Variants in COL8A2 observed in about 807,000 individuals in gnomAD.
COL8A2 encodes collagen alpha-2(VIII) chain.
COL8A2 carries 16 observed loss-of-function variants against 24.0 expected under a neutral mutation model. That is an observed-to-expected ratio of 0.67 (90% CI 0.45 to 1.01). COL8A2 has a LOEUF of 1.01. COL8A2 is among the 50% of genes least tolerant of loss of function. COL8A2 has a pLI of 0.00. For synonymous variants in COL8A2, 466 were observed against 424.5 expected (o/e 1.10, Z -1.20); for missense variants, 818 against 942.4 (o/e 0.87, Z 1.73).
At chr1:36,105,642 C>T (rs188496602) in intron 2 of COL8A2, among the ~76,000 whole-genome samples, 140 of 152,246 alleles carry the variant, frequency 9.2e-4, no homozygotes, top group African/African-American at 3.2e-3. Flanking sequence ...GGTATGTTAT[C>T]CCTGTTTTAG....
Position 36,100,181 on chromosome 1 carries a change from C to G in COL8A2, c.62G>C (p.Gly21Ala). The stretch of plus-strand genomic sequence containing the variant: ...ACCAGAGGACGCCCGCGGCCCACAC[C>G]CCAGCACCAGCACCAGTAGCAGCAG... ...LLLLLLVLVL[G>A]CGPRASSGGG... is the part of the protein sequence containing the mutation. The change falls in exon 3 of 4, where the codon GGG becomes GCG. Residue 21 changes from glycine (G) to alanine (A), a missense_variant. By Grantham distance (60) the Gly-to-Ala change is moderately conservative. Coordinates refer to ENST00000397799, the MANE Select transcript of COL8A2 (RefSeq NM_005202.4). 1 of 1,608,348 alleles carries G rather than the reference C, an allele frequency of 6.2e-7. No homozygotes were observed. The highest frequency in any genetic ancestry group is 1.1e-5 in the South Asian group (1 of 90,492).
At chr1:36,122,270 G>A (rs1437597233) in intron 1 of COL8A2, among the ~76,000 whole-genome samples, 2 of 152,128 alleles carry the variant, frequency 1.3e-5, no homozygotes, top group Non-Finnish European at 2.9e-5. Flanking sequence ...CACAGAGCTG[G>A]GAAGTCCTAG....
At position 36,098,696 on chromosome 1, in the gene COL8A2, G is replaced by T; in HGVS notation, c.985C>A (p.Pro329Thr). The T allele has an allele frequency of 6.2e-7, 1 of 1,609,080 alleles. No individual in the cohort carries two copies. The part of the protein sequence containing the change: ...GLPGPKGDRG[P>T]AGVPGLLGDR... ...CCCAAGAGTCCTGGGACCCCAGCTG[G>T]GCCCCTGTCCCCCTTGGGGCCTGGC... The change falls in exon 4 of 4, where the codon CCA becomes ACA. Residue 329 changes from proline (P) to threonine (T), a missense_variant. Around this residue, in one of 3 missense-constraint regions of COL8A2, gnomAD observed 573 missense variants for 616.8 expected, o/e 0.93. Coordinates refer to ENST00000397799, the MANE Select transcript of COL8A2 (RefSeq NM_005202.4).
Position 36,104,431 on chromosome 1 carries a change from C to T in COL8A2, c.-16-4173G>A, listed in dbSNP as rs193247821. On this transcript the variant is annotated intron_variant, in intron 2 of 3. Transcript: ENST00000397799. ...CGCTTGAACCAGAGAGGCGGAGGTTCCAGTGAGCCAAGATCGTGCCACTGC... is the reference window on the plus strand; with the variant it reads ...CGCTTGAACCAGAGAGGCGGAGGTTTCAGTGAGCCAAGATCGTGCCACTGC... 3.5e-3 allele frequency among the ~76,000 whole-genome samples: 524 copies of T among 150,540 alleles called. 2 individuals are homozygous for T. The highest frequency in any genetic ancestry group is 5.5e-3 in the Non-Finnish European group (369 of 67,602).
chr1:36,097,255 G>A lies in COL8A2; in HGVS notation c.*314C>T, dbSNP rs1038499454. ...GTCTCCCCACGTGGCGGGGTGGGGAGTTGAGCTCCCTCTCAGCTCCTTCAG... is the reference window on the plus strand; with the variant it reads ...GTCTCCCCACGTGGCGGGGTGGGGAATTGAGCTCCCTCTCAGCTCCTTCAG... On this transcript the variant is annotated 3_prime_UTR_variant, in exon 4 of 4. Coordinates refer to ENST00000397799, the MANE Select transcript of COL8A2 (RefSeq NM_005202.4). 1.8e-5 allele frequency: 5 copies of A among 274,344 alleles called. No individual in the cohort carries two copies. Among genetic ancestry groups the A allele is most frequent in the African/African-American group, 1.1e-4 (5 of 46,326 alleles). 17.0% of individuals were successfully genotyped at this position (274,344 alleles called of 1,614,324 possible).
At chr1:36,104,717 C>G (rs1465434960) in intron 2 of COL8A2, among the ~76,000 whole-genome samples, 1 of 152,096 alleles carries the variant, frequency 6.6e-6, no homozygotes, top group East Asian at 1.9e-4. Flanking sequence ...ATGGCATGAA[C>G]CCGGCAGGCG....
intron 2 of COL8A2, among the ~76,000 whole-genome samples, chr1:36,101,675 G>T (rs1203974007): frequency 6.6e-6 from 1 of 152,210 alleles, no homozygotes. Flanking sequence ...GCCAAAAGTA[G>T]AGACAACGCA....
intron 1 of COL8A2, among the ~76,000 whole-genome samples, chr1:36,121,717 T>TAA (rs34294089): frequency 6.1e-4 from 91 of 148,016 alleles, no homozygotes; most frequent in African/African-American, 1.7e-3. Context: ...CAAAAAAAAT[T>TAA]AAAAAAAAAA....
Position 36,099,331 on chromosome 1 carries a change from G to C in COL8A2, c.350C>G (p.Pro117Arg). Residue 117 changes from proline (P) to arginine (R), a missense_variant, in exon 4 of 4, where the codon CCT becomes CGT. By Grantham distance (103) the Pro-to-Arg change is moderately radical. Transcript: ENST00000397799. ...LHGQPGPAGP[P>R]GFSRMGKAGP... ...AGCCTTGCCCATCCGGGAGAAGCCA[G>C]GGGGCCCAGCAGGGCCAGGCTGCCC... 1 of 1,583,156 alleles carries C rather than the reference G, an allele frequency of 6.3e-7. No individual in the cohort carries two copies. The highest frequency in any genetic ancestry group is 8.6e-7 in the Non-Finnish European group (1 of 1,167,058).
rs1240857567 is a variant in COL8A2 at position 36,097,720 on chromosome 1, C to T, written c.1961G>A (p.Gly654Asp). Residue 654 changes from glycine to aspartate, a missense_variant, in exon 4 of 4, where the codon GGC (glycine) becomes GAC (aspartate). Gly to Asp is a moderately conservative substitution (Grantham distance 94). Coordinates refer to ENST00000397799, the MANE Select transcript of COL8A2 (RefSeq NM_005202.4). ...ATYTYDEYKKGYLDQASGGAV... is the reference protein window; with the variant it reads ...ATYTYDEYKKDYLDQASGGAV... Reference sequence around the variant, plus strand: ...CCCACCAGATGCCTGGTCCAGGTAGCCCTTCTTGTACTCATCGTAGGTATA... The same window carrying T: ...CCCACCAGATGCCTGGTCCAGGTAGTCCTTCTTGTACTCATCGTAGGTATA... 6.8e-6 allele frequency: 11 copies of T among 1,613,594 alleles called. No homozygotes were observed. In the Admixed American group the frequency reaches 1.7e-4, roughly 24 times the overall value.
intron 2 of COL8A2, among the ~76,000 whole-genome samples, chr1:36,106,275 C>G: frequency 7.0e-6 from 1 of 142,052 alleles, no homozygotes. Flanking sequence ...AAAAAAACAA[C>G]AAAAAAAAAA....
At chr1:36,101,651 C>T (rs1643680253) in intron 2 of COL8A2, among the ~76,000 whole-genome samples, 1 of 152,104 alleles carries the variant, frequency 6.6e-6, no homozygotes, top group Non-Finnish European at 1.5e-5. Context: ...TTCATAATAG[C>T]GATATTCACA....
rs745843219 is a variant in COL8A2 at position 36,097,980 on chromosome 1, G to A, written c.1701C>T (p.Gly567=). 26 of 1,605,202 alleles carry A rather than the reference G, an allele frequency of 1.6e-5. No individual in the cohort carries two copies. The highest frequency in any genetic ancestry group is 4.4e-5 in the South Asian group (4 of 90,734). Residue 567 remains glycine (G), a synonymous_variant, in exon 4 of 4, where the codon GGC becomes GGT. Transcript: ENST00000397799. The stretch of plus-strand genomic sequence containing the variant: ...CCGGTGTGGCATGGGCAGACAGCTC[G>A]CCCAGCCCAAACTGTGGCTTGCCCC... ...GKGGKPQFGL[G]ELSAHATPAF...
At position 36,098,726 on chromosome 1, in the gene COL8A2, C is replaced by T. The variant is rs749811184; in HGVS notation, c.955G>A (p.Gly319Arg). The T allele has an allele frequency of 6.2e-7, 1 of 1,610,918 alleles. No individual in the cohort carries two copies. Among genetic ancestry groups the T allele is most frequent in the South Asian group, 1.1e-5 (1 of 91,028 alleles). Reference protein sequence around the residue: ...LIGPTGYGMPGLPGPKGDRGP... With the variant: ...LIGPTGYGMPRLPGPKGDRGP... Reference sequence around the variant, plus strand: ...CTGTCCCCCTTGGGGCCTGGCAGTCCTGGCATCCCATAGCCAGTGGGGCCT... The same window carrying T: ...CTGTCCCCCTTGGGGCCTGGCAGTCTTGGCATCCCATAGCCAGTGGGGCCT... The change falls in exon 4 of 4, where the codon GGA becomes AGA. Residue 319 changes from glycine to arginine, a missense_variant. Transcript: ENST00000397799.
chr1:36,097,843 G>C lies in COL8A2; in HGVS notation c.1838C>G (p.Thr613Ser). ...SGYNPATGIF[T>S]CPVGGVYYFA... is the part of the protein sequence containing the mutation. ...GTAGTAGACGCCGCCCACAGGGCAG[G>C]TGAAGATGCCAGTGGCTGGGTTGTA... Residue 613 changes from threonine (T) to serine (S), a missense_variant, in exon 4 of 4, where the codon ACC becomes AGC. This residue lies in a region of COL8A2 where 235 missense variants were observed against 297.3 expected (regional missense o/e 0.79). Coordinates refer to ENST00000397799, the MANE Select transcript of COL8A2 (RefSeq NM_005202.4). 1 of 1,613,250 alleles carries C rather than the reference G, an allele frequency of 6.2e-7. No individual in the cohort carries two copies. Among genetic ancestry groups the C allele is most frequent in the Non-Finnish European group, 8.5e-7 (1 of 1,180,026 alleles).
rs1269206171 is a variant in COL8A2, at chr1:36,108,327, G to A, written c.-17+7381C>T. ...TGGGGAACAGTGGCCAAGCAGGGCC[G>A]TCAAGGGTCAGGGGCTGGGCCCTGA... On this transcript the variant is annotated intron_variant, in intron 2 of 3. Transcript: ENST00000397799. Among the ~76,000 whole-genome samples the A allele has an allele frequency of 5.3e-5, 8 of 152,348 alleles. No individual in the cohort carries two copies. The South Asian group carries it at 1.0e-3, about 20-fold the overall frequency.
chr1:36,121,935 C>T (rs1327667451), intron 1 of COL8A2, among the ~76,000 whole-genome samples: 1 of 152,108 alleles, frequency 6.6e-6, no homozygotes, highest in Non-Finnish European at 1.5e-5. Context: ...ACCTGGCTCT[C>T]CCCATGAGGC....
At chr1:36,119,414 G>C (rs529974765) in intron 1 of COL8A2, among the ~76,000 whole-genome samples, 21 of 152,236 alleles carry the variant, frequency 1.4e-4, no homozygotes, top group African/African-American at 4.3e-4. Context: ...CCAAAGATGA[G>C]GACAACCTTC....
chr1:36,098,190 T>A lies in COL8A2; in HGVS notation c.1491A>T (p.Ala497=). 6.5e-7 allele frequency: 1 copy of A among 1,532,014 alleles called. No homozygotes were observed. Among genetic ancestry groups the A allele is most frequent in the Non-Finnish European group, 8.8e-7 (1 of 1,140,396 alleles). 94.9% of individuals were successfully genotyped at this position (1,532,014 alleles called of 1,614,324 possible). Residue 497 remains alanine, a synonymous_variant, in exon 4 of 4, where the codon GCA becomes GCT. Transcript: ENST00000397799. The part of the protein sequence containing the change: ...GLPGPPGEGR[A]GEPGTAGPTG... ...TGGGCCCAGCCGTGCCAGGTTCCCC[T>A]GCTCTCCCCTCTCCAGGGGGCCCTG...
Sources: allele counts gnomAD v4.1 joint callset (sites outside exome capture counted in the v4.1 genomes callset), GRCh38; gene constraint gnomAD v4.1.1; regional missense constraint gnomAD v4.1.1; transcripts MANE v1.5; gene names NCBI Gene and HGNC (gene_info 2026-07-23, HGNC 2026-07-21).